The following METAP1D variants were observed in gnomAD, a reference collection of about 807,000 sequenced individuals.
METAP1D encodes methionine aminopeptidase 1D, mitochondrial.
METAP1D carries 31 observed loss-of-function variants against 40.5 expected under a neutral mutation model. The ratio of observed to expected loss-of-function variants is 0.77; its 90% confidence interval spans 0.58 to 1.03. The LOEUF (loss-of-function observed/expected upper bound fraction) is 1.03. Ranked by LOEUF, METAP1D falls within the 50% of genes least tolerant of loss-of-function variation. The pLI, the probability that METAP1D is intolerant of heterozygous loss-of-function variation, is 0.00. For synonymous variants in METAP1D, 151 were observed against 146.4 expected (o/e 1.03, Z -0.22); for missense variants, 411 against 420.7 (o/e 0.98, Z 0.20).
At chr2:172,028,376 G>A (rs1001071923) in intron 1 of METAP1D, among the ~76,000 whole-genome samples, 3 of 152,248 alleles carry the variant, frequency 2.0e-5, no homozygotes, top group Non-Finnish European at 4.4e-5. Flanking sequence ...GGAGGCCAGA[G>A]GGAGGTGGGG....
rs765418271 is a variant in METAP1D at position 172,061,531 on chromosome 2, A to G, written c.74A>G (p.His25Arg). 4.3e-6 allele frequency: 7 copies of G among 1,613,224 alleles called. No individual in the cohort carries two copies. The highest frequency in any genetic ancestry group is 1.7e-5 in the Admixed American group (1 of 59,830). The change falls in exon 2 of 10, where the codon CAT becomes CGT. Residue 25 changes from histidine (H) to arginine (R), a missense_variant. Physicochemically the swap from His to Arg is conservative, Grantham distance 29. Coordinates refer to ENST00000315796, the MANE Select transcript of METAP1D (RefSeq NM_199227.3). ...AGAATTTTCTCTTCACCACTCAATC[A>G]TATCTACTTACACAAGCAGTCAAGC... ...SHRIFSSPLN[H>R]IYLHKQSSSQ...
chr2:172,022,512 A>T (rs2105398823), intron 1 of METAP1D, among the ~76,000 whole-genome samples: 1 of 152,322 alleles, frequency 6.6e-6, no homozygotes, highest in African/African-American at 2.4e-5. Context: ...AAGAAAAAAG[A>T]TGCTGTTTAT....
At chr2:172,047,045 A>G (rs1399370715) in intron 1 of METAP1D, among the ~76,000 whole-genome samples, 4 of 152,106 alleles carry the variant, frequency 2.6e-5, no homozygotes, top group Non-Finnish European at 4.4e-5. Flanking sequence ...TTCTGTTGGT[A>G]ATTCTGTGTT....
At position 172,078,083 on chromosome 2, in the gene METAP1D, G is replaced by C. The variant is rs115466804; in HGVS notation, c.802+189G>C. 4.7e-3 allele frequency among the ~76,000 whole-genome samples: 711 copies of C among 152,200 alleles called. 3 individuals are homozygous for C. The highest frequency in any genetic ancestry group is 0.013 in the African/African-American group (545 of 41,530). ...GGGACATTACTGTGTTACTGGATTAGAGCCCAGCTGTTTCAATCCCAAAAT... is the reference window on the plus strand; with the variant it reads ...GGGACATTACTGTGTTACTGGATTACAGCCCAGCTGTTTCAATCCCAAAAT... On this transcript the variant is annotated intron_variant, in intron 7 of 9. Transcript: ENST00000315796.
At chr2:172,017,689 T>C (rs1329268285) in intron 1 of METAP1D, among the ~76,000 whole-genome samples, 3 of 151,956 alleles carry the variant, frequency 2.0e-5, no homozygotes, top group Admixed American at 2.0e-4. Context: ...GAAAAAAAAA[T>C]GGACTTGCAG....
At chr2:172,040,625 C>T (rs566486426) in intron 1 of METAP1D, among the ~76,000 whole-genome samples, 3 of 152,022 alleles carry the variant, frequency 2.0e-5, no homozygotes, top group East Asian at 1.9e-4. Flanking sequence ...CCTTGTTCAG[C>T]GGAGTGGCAG....
intron 1 of METAP1D, among the ~76,000 whole-genome samples, chr2:172,018,948 T>C (rs558342831): frequency 1.3e-5 from 2 of 152,336 alleles, no homozygotes; most frequent in Non-Finnish European, 1.5e-5. Flanking sequence ...TCCTTGTCTT[T>C]CATGAGTCCA....
At chr2:172,004,733 C>T (rs1688539179) in intron 1 of METAP1D, among the ~76,000 whole-genome samples, 1 of 152,152 alleles carries the variant, frequency 6.6e-6, no homozygotes, top group South Asian at 2.1e-4. Context: ...TTCCTGTTGA[C>T]ATCCAGAGAA....
intron 1 of METAP1D, among the ~76,000 whole-genome samples, chr2:172,031,126 T>G (rs989844262): frequency 1.3e-5 from 2 of 152,216 alleles, no homozygotes; most frequent in Admixed American, 6.5e-5. Context: ...ATTGGAAAGG[T>G]CCACTGGCCC....
chr2:172,006,455 T>G (rs1688587033), intron 1 of METAP1D, among the ~76,000 whole-genome samples: 1 of 152,188 alleles, frequency 6.6e-6, no homozygotes, highest in South Asian at 2.1e-4. Context: ...AGTGCTGGGA[T>G]TACAGGTGTG....
rs1690277998 is a variant in METAP1D, at chr2:172,066,275, A to G, written c.509A>G (p.Gln170Arg). 6.2e-7 allele frequency: 1 copy of G among 1,611,762 alleles called. No homozygotes were observed. Among genetic ancestry groups the G allele is most frequent in the African/African-American group, 1.3e-5 (1 of 74,796 alleles). The change falls in exon 5 of 10, where the codon CAG becomes CGG. Residue 170 changes from glutamine to arginine, a missense_variant. Coordinates refer to ENST00000315796, the MANE Select transcript of METAP1D (RefSeq NM_199227.3). ...CHGIPDSRPL[Q>R]DGDIINIDVT... is the part of the protein sequence containing the mutation. ...TGTTTACGTTTTAGTCGACCTCTTC[A>G]GGATGGAGATATTATCAACATTGAT...
At chr2:172,064,204 C>G (rs560004501) in intron 3 of METAP1D, 4 of 187,902 alleles carry the variant, frequency 2.1e-5, no homozygotes, top group African/African-American at 9.4e-5. Flanking sequence ...AGCTTTTACT[C>G]CCCACATTAT....
chr2:172,059,513 C>T (rs965114138), intron 1 of METAP1D, among the ~76,000 whole-genome samples: 48 of 152,156 alleles, frequency 3.2e-4, no homozygotes, highest in African/African-American at 1.1e-3. Context: ...TCAAAATCCT[C>T]CATAGACATT....
chr2:172,077,537 G>A (rs879724808), intron 6 of METAP1D, among the ~76,000 whole-genome samples: 3 of 152,010 alleles, frequency 2.0e-5, no homozygotes, highest in Non-Finnish European at 2.9e-5. Flanking sequence ...TTTGAATGCT[G>A]TACAAAGGTA....
At chr2:172,007,865 T>G (rs1184435797) in intron 1 of METAP1D, among the ~76,000 whole-genome samples, 1 of 152,110 alleles carries the variant, frequency 6.6e-6, no homozygotes, top group Non-Finnish European at 1.5e-5. Context: ...AATTTTTGTA[T>G]TTTTAGTAGA....
At chr2:172,064,865 T>C (rs1043889504) in intron 3 of METAP1D, among the ~76,000 whole-genome samples, 3 of 152,148 alleles carry the variant, frequency 2.0e-5, no homozygotes, top group African/African-American at 7.2e-5. Flanking sequence ...AATGGTTAAT[T>C]TTTAATAAAA....
chr2:172,056,031 T>C (rs1008559098), intron 1 of METAP1D, among the ~76,000 whole-genome samples: 3 of 152,140 alleles, frequency 2.0e-5, no homozygotes, highest in Non-Finnish European at 2.9e-5. Context: ...TTTAAGTACA[T>C]AGAAAAGATT....
At chr2:172,061,096 C>G (rs1304381306) in intron 1 of METAP1D, among the ~76,000 whole-genome samples, 1 of 152,128 alleles carries the variant, frequency 6.6e-6, no homozygotes, top group African/African-American at 2.4e-5. Flanking sequence ...GCAATTTGTC[C>G]GTGATTCTTG....
intron 1 of METAP1D, among the ~76,000 whole-genome samples, chr2:172,012,607 C>G (rs1480470119): frequency 6.6e-6 from 1 of 152,056 alleles, no homozygotes; most frequent in Non-Finnish European, 1.5e-5. Context: ...TCTCGCAAAG[C>G]CAGTTTTTGT....
Sources: gnomAD v4.1 joint callset for allele counts (sites outside exome capture counted in the v4.1 genomes callset) on GRCh38, gnomAD v4.1.1 for gene constraint, MANE v1.5 for transcripts, NCBI Gene and HGNC (gene_info 2026-07-23, HGNC 2026-07-21) for gene names.